The following YY1AP1 variants were observed in gnomAD, a reference collection of about 807,000 sequenced individuals.
YY1AP1 encodes the protein YY1-associated protein 1.
A neutral mutation model predicts 39.9 loss-of-function variants in YY1AP1; 43 were observed. That is an observed-to-expected ratio of 1.08 (90% CI 0.84 to 1.39). YY1AP1 has a LOEUF of 1.39. Ranked by LOEUF, YY1AP1 falls within the 40% of genes most tolerant of loss-of-function variation. The pLI, the probability that YY1AP1 is intolerant of heterozygous loss-of-function variation, is 0.00. For missense variants in YY1AP1, 813 were observed against 900.7 expected (o/e 0.90, Z 1.25); for synonymous variants, 292 against 331.3 (o/e 0.88, Z 1.29).
chr1:155,681,886 T>C (rs1188861333), intron 2 of YY1AP1, among the ~76,000 whole-genome samples: 1 of 151,318 alleles, frequency 6.6e-6, no homozygotes, highest in Non-Finnish European at 1.5e-5. Context: ...GGACTTGCTA[T>C]GTTGCCCAGG....
At chr1:155,671,520 T>C (rs1649864387) in intron 7 of YY1AP1, among the ~76,000 whole-genome samples, 1 of 152,136 alleles carries the variant, frequency 6.6e-6, no homozygotes, top group Non-Finnish European at 1.5e-5. Context: ...CATTCTTTCT[T>C]AACTTTCATT....
At chr1:155,676,867 A>T in intron 4 of YY1AP1, 121 bp from the exon 5 acceptor site, 1 of 958,958 alleles carries the variant, frequency 1.0e-6, no homozygotes, top group Non-Finnish European at 1.6e-6. Context: ...CCCCCTTTTC[A>T]CTTTAGCCAA....
chr1:155,660,964 A>G (rs1323736536), intron 10 of YY1AP1, 51 bp from the exon 11 acceptor site: 1 of 1,612,680 alleles, frequency 6.2e-7, no homozygotes, highest in South Asian at 1.1e-5. Flanking sequence ...ATTTGGGAAA[A>G]AGAATAGGAC....
chr1:155,664,434 C>G (rs747977953), intron 9 of YY1AP1, among the ~76,000 whole-genome samples: 9 of 152,060 alleles, frequency 5.9e-5, no homozygotes, highest in Non-Finnish European at 1.3e-4. Flanking sequence ...AATATTACTA[C>G]CAGGAAACTG....
At chr1:155,684,314 G>A (rs1463705842) in intron 2 of YY1AP1, among the ~76,000 whole-genome samples, 1 of 152,006 alleles carries the variant, frequency 6.6e-6, no homozygotes, top group Admixed American at 6.6e-5. Context: ...TAAAGAAATT[G>A]TATACACATA....
intron 4 of YY1AP1, among the ~76,000 whole-genome samples, chr1:155,677,563 T>A (rs1308007549): frequency 6.6e-6 from 1 of 152,218 alleles, no homozygotes; most frequent in Admixed American, 6.5e-5. Flanking sequence ...AAGCAGGTTA[T>A]CATATTTCAA....
At position 155,660,514 on chromosome 1, in the gene YY1AP1, C is replaced by T. The variant is rs1647905857; in HGVS notation, c.1396G>A (p.Val466Ile). 1.2e-6 allele frequency: 2 copies of T among 1,614,020 alleles called. No individual in the cohort carries two copies. The highest frequency in any genetic ancestry group is 1.7e-6 in the Non-Finnish European group (2 of 1,180,030). ...CCTCCACTGACCCCCAGTGGAGGGACACCTGGAACTGTCTGTAAAACAGTG... is the reference window on the plus strand; with the variant it reads ...CCTCCACTGACCCCCAGTGGAGGGATACCTGGAACTGTCTGTAAAACAGTG... Reference protein sequence around the residue: ...PATVLQTVPGVPPLGVSGGES... With the variant: ...PATVLQTVPGIPPLGVSGGES... The change falls in exon 11 of 11, where the codon GTC becomes ATC. Residue 466 changes from valine to isoleucine, a missense_variant. Val to Ile is a conservative substitution (Grantham distance 29). Transcript: ENST00000355499.
chr1:155,688,862 A>C (rs1653194814), upstream of YY1AP1: 1 of 1,604,498 alleles, frequency 6.2e-7, no homozygotes, highest in South Asian at 1.1e-5. Context: ...AGGGACCGGC[A>C]AAGCGAGTCT....
In YY1AP1 at chr1:155,676,766, C is replaced by T; in HGVS notation, c.126-20G>A. ...TCAAACCTATCCCAAACGGGGATGA[C>T]TGAATTTGAGTGTTTTCCTAGGTCC... On this transcript the variant is annotated intron_variant, in intron 4 of 10. Coordinates refer to ENST00000355499, the MANE Select transcript of YY1AP1 (RefSeq NM_139119.3). 1 of 1,612,400 alleles carries T rather than the reference C, an allele frequency of 6.2e-7. No individual in the cohort carries two copies. The highest frequency in any genetic ancestry group is 8.5e-7 in the Non-Finnish European group (1 of 1,178,878).
At chr1:155,673,448 A>G (rs531977691) in intron 6 of YY1AP1, among the ~76,000 whole-genome samples, 4 of 152,352 alleles carry the variant, frequency 2.6e-5, no homozygotes, top group South Asian at 2.1e-4. Context: ...TTAGAATACT[A>G]GCAAATGTAC....
chr1:155,667,871 G>A (rs1224582026), intron 9 of YY1AP1, among the ~76,000 whole-genome samples: 2 of 151,740 alleles, frequency 1.3e-5, no homozygotes, highest in African/African-American at 4.8e-5. Context: ...TATATAGGCT[G>A]GGCCTGGGCG....
chr1:155,675,184 A>C, intron 5 of YY1AP1, 88 bp from the exon 6 acceptor site: 1 of 1,252,634 alleles, frequency 8.0e-7, no homozygotes, highest in Non-Finnish European at 1.1e-6. Context: ...CCCTGGAGAC[A>C]GGGTCTTGCT....
At chr1:155,688,529 A>C (rs1432660970) in intron 1 of YY1AP1, 130 bp downstream of exon 1, 1 of 1,543,662 alleles carries the variant, frequency 6.5e-7, no homozygotes, top group African/African-American at 1.4e-5. Context: ...TGCTCCCACC[A>C]ACCACCACCT....
In YY1AP1 at chr1:155,660,505, G is replaced by C. The variant is rs144795941; in HGVS notation, c.1405C>G (p.Leu469Val). The C allele has an allele frequency of 4.1e-3, 6,552 of 1,614,126 alleles. 218 individuals carry two copies. In the African/African-American group the frequency reaches 0.077, roughly 19 times the overall value. Residue 469 changes from leucine to valine, a missense_variant, in exon 11 of 11, where the codon CTG (leucine) becomes GTG (valine). Leu to Val is a conservative substitution (Grantham distance 32). Transcript: ENST00000355499. ...VLQTVPGVPPLGVSGGESFES... is the reference protein window; with the variant it reads ...VLQTVPGVPPVGVSGGESFES... ...AAACTCTCACCTCCACTGACCCCCA[G>C]TGGAGGGACACCTGGAACTGTCTGT...
intron 9 of YY1AP1, among the ~76,000 whole-genome samples, chr1:155,663,419 G>A (rs1648478267): frequency 6.8e-6 from 1 of 147,712 alleles, no homozygotes; most frequent in Non-Finnish European, 1.5e-5. Flanking sequence ...TTTATCACGT[G>A]TGCCTTAAAA....
intron 2 of YY1AP1, among the ~76,000 whole-genome samples, chr1:155,686,062 G>T: frequency 1.7e-5 from 2 of 118,550 alleles, no homozygotes; most frequent in East Asian, 2.9e-4. Context: ...TGGAGATGGA[G>T]TCTCCTCTGT....
At chr1:155,683,493 T>C (rs559336722) in intron 2 of YY1AP1, among the ~76,000 whole-genome samples, 3 of 152,076 alleles carry the variant, frequency 2.0e-5, no homozygotes, top group South Asian at 2.1e-4. Flanking sequence ...CTGTCTCTAC[T>C]AACAATACAA....
intron 9 of YY1AP1, among the ~76,000 whole-genome samples, chr1:155,663,710 C>T (rs1379260178): frequency 6.6e-6 from 1 of 152,112 alleles, no homozygotes; most frequent in Non-Finnish European, 1.5e-5. Flanking sequence ...TGGAGCGAGA[C>T]TCTGTCTCAA....
intron 9 of YY1AP1, among the ~76,000 whole-genome samples, chr1:155,661,919 G>A (rs1288955207): frequency 6.6e-6 from 1 of 152,118 alleles, no homozygotes; most frequent in Non-Finnish European, 1.5e-5. Context: ...GCCTCCCAAA[G>A]TGCTAGGATT....
Sources: gnomAD v4.1 joint callset for allele counts (sites outside exome capture counted in the v4.1 genomes callset) on GRCh38, gnomAD v4.1.1 for gene constraint, MANE v1.5 for transcripts, NCBI Gene and HGNC (gene_info 2026-07-23, HGNC 2026-07-21) for gene names.